The following SPTBN1 variants were observed in gnomAD, a reference collection of about 807,000 sequenced individuals.
SPTBN1 encodes the protein spectrin beta, non-erythrocytic 1.
Under a neutral mutation model 266.4 loss-of-function variants are expected in SPTBN1, and 32 were observed. That is an observed-to-expected ratio of 0.12 (90% confidence interval 0.09 to 0.16). The LOEUF is 0.16. Ranked by LOEUF, SPTBN1 falls within the 10% of genes least tolerant of loss-of-function variation. The pLI, the probability that SPTBN1 is intolerant of heterozygous loss-of-function variation, is 1.00. For synonymous variants in SPTBN1, 1,336 were observed against 1,162.2 expected (o/e 1.15, Z -3.04); for missense variants, 2,296 against 3,067.1 (o/e 0.75, Z 5.94).
intron 2 of SPTBN1, among the ~76,000 whole-genome samples, chr2:54,570,046 A>G (rs777521607): frequency 2.8e-4 from 41 of 149,010 alleles, no homozygotes; most frequent in African/African-American, 6.1e-4. Flanking sequence ...TGAAGGTCAC[A>G]ATGCTGGTTC....
In SPTBN1 at chr2:54,664,929, T is replaced by C; in HGVS notation, c.6659+238T>C. On this transcript the variant is annotated intron_variant, in intron 33 of 35. Transcript: ENST00000356805. The surrounding 1 kb of genome is among the most constrained non-coding windows in gnomAD (Gnocchi z 5.6). The stretch of plus-strand genomic sequence containing the variant: ...AGTAGCTAGAAGGGGCTTTAGTAGT[T>C]CATCTAGAGAAGGAATTTGCTAGAT... 2.0e-6 allele frequency: 1 copy of C among 505,828 alleles called. No homozygotes were observed. Among genetic ancestry groups the C allele is most frequent in the African/African-American group, 1.9e-5 (1 of 52,398 alleles). The allele number at this position is 505,828 out of a possible 1,614,324, so 31.3% of individuals were successfully genotyped here.
At chr2:54,494,431 A>G (rs1009812854) in intron 1 of SPTBN1, among the ~76,000 whole-genome samples, 3 of 152,236 alleles carry the variant, frequency 2.0e-5, no homozygotes, top group African/African-American at 7.2e-5. Context: ...TTCGTACAAA[A>G]AAAATACACA....
chr2:54,458,684 A>G (rs1257338589), intron 1 of SPTBN1, among the ~76,000 whole-genome samples: 5 of 152,168 alleles, frequency 3.3e-5, no homozygotes, highest in Non-Finnish European at 7.3e-5. Context: ...GGACACAGGG[A>G]ATTTCCCTTC....
intron 1 of SPTBN1, among the ~76,000 whole-genome samples, chr2:54,481,391 A>AGT (rs72077761): frequency 0.03 from 3,530 of 117,238 alleles, 56 homozygotes; most frequent in East Asian, 0.067. Context: ...CAGAAACCTG[A>AGT]GTGTGTGTGT....
chr2:54,558,171 G>C lies in SPTBN1; in HGVS notation c.148+31605G>C. The C allele has an allele frequency of 3.0e-6, 3 of 985,372 alleles. No homozygotes were observed. Among genetic ancestry groups the C allele is most frequent in the Non-Finnish European group, 3.6e-6 (3 of 829,908 alleles). The allele number at this position is 985,372 out of a possible 1,614,324, so 61.0% of individuals were successfully genotyped here. A position where few individuals can be genotyped will look rare whatever the true frequency, so the allele number is the denominator to read the frequency against. ...CACTACCGCGGCGAGTCCAGGGCCC[G>C]GCCGGGGGTCGGCGGCTGCCGGGCG... On this transcript the variant is annotated intron_variant, in intron 2 of 35. Coordinates refer to ENST00000356805, the MANE Select transcript of SPTBN1 (RefSeq NM_003128.3). This position sits in a 1 kb window ranked among gnomAD's most constrained non-coding sequence, Gnocchi z 4.6.
At chr2:54,580,576 G>A (rs535017021) in intron 2 of SPTBN1, among the ~76,000 whole-genome samples, 1 of 149,026 alleles carries the variant, frequency 6.7e-6, no homozygotes, top group African/African-American at 2.5e-5. Context: ...TAATCCAAGT[G>A]TATTCATATT....
At chr2:54,616,139 C>G (rs1677591517) in intron 4 of SPTBN1, 68 bp from the exon 5 acceptor site, 1 of 1,336,334 alleles carries the variant, frequency 7.5e-7, no homozygotes, top group Non-Finnish European at 1.1e-6. Flanking sequence ...ATATGCAGAC[C>G]TGTTCTTCAG....
chr2:54,569,618 T>C (rs938953265), intron 2 of SPTBN1, among the ~76,000 whole-genome samples: 1 of 152,230 alleles, frequency 6.6e-6, no homozygotes, highest in African/African-American at 2.4e-5. Context: ...CTGTGCCTCT[T>C]ACCAAATATT....
chr2:54,586,893 C>T (rs1483948453), intron 2 of SPTBN1, among the ~76,000 whole-genome samples: 1 of 152,126 alleles, frequency 6.6e-6, no homozygotes, highest in Admixed American at 6.5e-5. Flanking sequence ...GAATCCTCTT[C>T]TATCTTGAAT....
intron 2 of SPTBN1, among the ~76,000 whole-genome samples, chr2:54,567,483 G>A (rs1673743265): frequency 6.8e-6 from 1 of 147,504 alleles, no homozygotes; most frequent in Non-Finnish European, 1.5e-5. Context: ...TGGGACTACA[G>A]GCATGCACCA....
At chr2:54,629,867 C>A in intron 14 of SPTBN1, 25 bp from the exon 15 acceptor site, 1 of 1,613,814 alleles carries the variant, frequency 6.2e-7, no homozygotes, top group Non-Finnish European at 8.5e-7. Context: ...CAGGAGGTGA[C>A]CACCCTGTCA....
At chr2:54,596,114 G>A (rs1298970127) in intron 2 of SPTBN1, among the ~76,000 whole-genome samples, 2 of 152,062 alleles carry the variant, frequency 1.3e-5, no homozygotes, top group Admixed American at 6.6e-5. Flanking sequence ...ACCTCCTCAC[G>A]CAGCTAGCCC....
intron 1 of SPTBN1, among the ~76,000 whole-genome samples, chr2:54,462,362 T>C (rs990792500): frequency 2.0e-5 from 3 of 152,234 alleles, no homozygotes; most frequent in Non-Finnish European, 4.4e-5. Flanking sequence ...ATGGCATTTA[T>C]ATATTGATTA....
At position 54,533,481 on chromosome 2, in the gene SPTBN1, T is replaced by G. The variant is rs1671393727; in HGVS notation, c.148+6915T>G. Among the ~76,000 whole-genome samples the G allele has an allele frequency of 1.3e-5, 2 of 152,008 alleles. No individual in the cohort carries two copies. The highest frequency in any genetic ancestry group is 4.1e-4 in the South Asian group (2 of 4,824). ...ATCTATAAAACATGGCCTAGAATGA[T>G]CTAATTAGGAGGAGGAAACCTATTT... is the stretch of plus-strand genomic sequence containing the variant. On this transcript the variant is annotated intron_variant, in intron 2 of 35. Coordinates refer to ENST00000356805, the MANE Select transcript of SPTBN1 (RefSeq NM_003128.3). This position sits in a 1 kb window ranked among gnomAD's most constrained non-coding sequence, Gnocchi z 4.2.
intron 2 of SPTBN1, among the ~76,000 whole-genome samples, chr2:54,561,880 A>T (rs533825070): frequency 0.013 from 147 of 10,988 alleles, 1 homozygote; most frequent in South Asian, 0.094. Context: ...AAGTGTGATT[A>T]AAAAAAAAAC....
chr2:54,629,355 G>C lies in SPTBN1; in HGVS notation c.2221G>C (p.Glu741Gln). The C allele has an allele frequency of 6.2e-7, 1 of 1,614,088 alleles. No individual in the cohort carries two copies. Among genetic ancestry groups the C allele is most frequent in the Non-Finnish European group, 8.5e-7 (1 of 1,180,026 alleles). ...CTCGGCCATTCGGAAGAAGCGCCTG[G>C]AGGAGGCCTCCCTGCTGCACCAGTT... ...QLSAIRKKRL[E>Q]EASLLHQFQA... Residue 741 changes from glutamate (E) to glutamine (Q), a missense_variant, in exon 14 of 36, where the codon GAG (glutamate) becomes CAG (glutamine). Around this residue, in one of 12 missense-constraint regions of SPTBN1, gnomAD observed 434 missense variants for 573.9 expected, o/e 0.76. Transcript: ENST00000356805.
Position 54,626,331 on chromosome 2 carries a change from C to A in SPTBN1, c.1644+97C>A. 1 of 1,393,798 alleles carries A rather than the reference C, an allele frequency of 7.2e-7. No individual in the cohort carries two copies. Among genetic ancestry groups the A allele is most frequent in the Non-Finnish European group, 9.6e-7 (1 of 1,037,330 alleles). The allele number at this position is 1,393,798 out of a possible 1,614,324, so 86.3% of individuals were successfully genotyped here. ...TAAACCCCTACGTACAGCTGTGTGC[C>A]TTGTCTAACTGCCCACATGTACAGC... On this transcript the variant is annotated intron_variant, in intron 12 of 35. Transcript: ENST00000356805. The surrounding 1 kb of genome is among the most constrained non-coding windows in gnomAD (Gnocchi z 4.7).
intron 1 of SPTBN1, among the ~76,000 whole-genome samples, chr2:54,469,525 C>G (rs1450104408): frequency 6.6e-6 from 1 of 152,168 alleles, no homozygotes; most frequent in African/African-American, 2.4e-5. Flanking sequence ...GTGGCCAAAG[C>G]CCATCAAGGG....
rs928042289 is a variant in SPTBN1 at position 54,645,777 on chromosome 2, C to G, written c.4495-151C>G. 2.0e-5 allele frequency: 16 copies of G among 780,946 alleles called. No individual in the cohort carries two copies. The highest frequency in any genetic ancestry group is 3.3e-5 in the Non-Finnish European group (16 of 487,766). The allele number at this position is 780,946 out of a possible 1,614,324, so 48.4% of individuals were successfully genotyped here. A position where few individuals can be genotyped will look rare whatever the true frequency, so the allele number is the denominator to read the frequency against. On this transcript the variant is annotated intron_variant, in intron 21 of 35. Coordinates refer to ENST00000356805, the MANE Select transcript of SPTBN1 (RefSeq NM_003128.3). The surrounding 1 kb of genome is among the most constrained non-coding windows in gnomAD (Gnocchi z 4.3). ...CTCTCCCTAGCCCTGTCTCGGAGAA[C>G]AAGGGCGTGCTTCCCCAGACAGCCC...
Sources: allele counts gnomAD v4.1 joint callset (sites outside exome capture counted in the v4.1 genomes callset), GRCh38; gene constraint gnomAD v4.1.1; regional missense constraint gnomAD v4.1.1; non-coding constraint Gnocchi (gnomAD v3.1); transcripts MANE v1.5; gene names NCBI Gene and HGNC (gene_info 2026-07-23, HGNC 2026-07-21).